Variants in TSNARE1 observed in about 807,000 individuals in gnomAD.
The protein encoded by TSNARE1 is t-SNARE domain-containing protein 1.
TSNARE1 carries 49 observed loss-of-function variants against 62.0 expected under a neutral mutation model. The observed-to-expected ratio is 0.79, with a 90% CI of 0.63 to 1.00. The LOEUF (loss-of-function observed/expected upper bound fraction) is 1.00, where lower values mean the gene tolerates loss of function less well. TSNARE1 is among the 50% of genes least tolerant of loss of function. TSNARE1 has a pLI of 0.00. For missense variants in TSNARE1, 755 were observed against 700.1 expected (o/e 1.08, Z -0.88); for synonymous variants, 328 against 294.4 (o/e 1.11, Z -1.17).
intron 11 of TSNARE1, chr8:142,276,661 C>T (rs1563807777): frequency 1.0e-6 from 1 of 985,310 alleles, no homozygotes; most frequent in Non-Finnish European, 1.2e-6. Flanking sequence ...AAGCCCTGGA[C>T]CCCACCCTTG....
At chr8:142,273,573 C>A (rs772577551) in intron 12 of TSNARE1, 30 of 985,296 alleles carry the variant, frequency 3.0e-5, no homozygotes, top group Non-Finnish European at 3.4e-5. Flanking sequence ...TGTCTCCCGG[C>A]CTGGCGTTCA....
intron 1 of TSNARE1, among the ~76,000 whole-genome samples, chr8:142,397,896 T>G (rs1436396733): frequency 6.6e-6 from 1 of 152,076 alleles, no homozygotes; most frequent in Non-Finnish European, 1.5e-5. Flanking sequence ...ACACAGGCCC[T>G]CGGTGTGGCA....
intron 10 of TSNARE1, among the ~76,000 whole-genome samples, chr8:142,285,823 G>T (rs559441730): frequency 1.3e-5 from 2 of 152,196 alleles, no homozygotes; most frequent in South Asian, 4.1e-4. Flanking sequence ...CTTTTTCCCA[G>T]TTAAGTGGCT....
intron 12 of TSNARE1, among the ~76,000 whole-genome samples, chr8:142,254,602 G>A (rs1393161903): frequency 6.6e-6 from 1 of 152,100 alleles, no homozygotes; most frequent in East Asian, 1.9e-4. Context: ...AGCACCCCCT[G>A]GCAGAACACG....
intron 12 of TSNARE1, among the ~76,000 whole-genome samples, chr8:142,261,100 G>T (rs1818860403): frequency 2.2e-5 from 1 of 44,548 alleles, no homozygotes; most frequent in Non-Finnish European, 4.6e-5. Context: ...GGAGGGAAGA[G>T]AGGGGGAGCA....
chr8:142,242,244 G>A (rs1188539478), intron 12 of TSNARE1, among the ~76,000 whole-genome samples: 1 of 152,282 alleles, frequency 6.6e-6, no homozygotes, highest in Non-Finnish European at 1.5e-5. Flanking sequence ...TCCATCTCAT[G>A]CCGTATACAA....
At chr8:142,218,478 T>G (rs1354137234) in intron 13 of TSNARE1, among the ~76,000 whole-genome samples, 2 of 152,158 alleles carry the variant, frequency 1.3e-5, no homozygotes, top group African/African-American at 4.8e-5. Context: ...ACAGTGCCCA[T>G]CCCTCAGCTC....
intron 12 of TSNARE1, among the ~76,000 whole-genome samples, chr8:142,240,203 T>C (rs2130179179): frequency 6.6e-6 from 1 of 152,356 alleles, no homozygotes; most frequent in African/African-American, 2.4e-5. Flanking sequence ...GATAGTCCTG[T>C]TAAGAGCAGA....
intron 13 of TSNARE1, among the ~76,000 whole-genome samples, chr8:142,227,049 G>C (rs1816831769): frequency 7.4e-6 from 1 of 135,114 alleles, no homozygotes; most frequent in Non-Finnish European, 1.5e-5. Context: ...AGCAGTGACA[G>C]CCAGGCCCCC....
At chr8:142,262,390 T>C (rs970023624) in intron 12 of TSNARE1, among the ~76,000 whole-genome samples, 1 of 152,176 alleles carries the variant, frequency 6.6e-6, no homozygotes, top group Admixed American at 6.5e-5. Flanking sequence ...TAAAGCTTTA[T>C]AATTTTCTCC....
At chr8:142,255,470 C>CCAT (rs1818394237) in intron 12 of TSNARE1, among the ~76,000 whole-genome samples, 2 of 62,732 alleles carry the variant, frequency 3.2e-5, no homozygotes, top group Admixed American at 1.6e-4. Context: ...ATCACCATCA[C>CCAT]CACCACCATC....
At chr8:142,391,737 A>G (rs1837546784) in intron 1 of TSNARE1, among the ~76,000 whole-genome samples, 2 of 152,228 alleles carry the variant, frequency 1.3e-5, no homozygotes, top group Non-Finnish European at 2.9e-5. Context: ...GCCCTGCCGC[A>G]GCAGCCGGCA....
chr8:142,336,140 C>T (rs974423801), intron 4 of TSNARE1, among the ~76,000 whole-genome samples: 3 of 151,976 alleles, frequency 2.0e-5, no homozygotes, highest in Non-Finnish European at 2.9e-5. Flanking sequence ...AATTGGCCAG[C>T]TGTGGTGATG....
intron 13 of TSNARE1, among the ~76,000 whole-genome samples, chr8:142,225,095 C>T (rs1330558879): frequency 1.3e-5 from 2 of 152,112 alleles, no homozygotes; most frequent in Non-Finnish European, 2.9e-5. Flanking sequence ...GCCCCAAGGC[C>T]CACTGTGCCC....
At chr8:142,343,050 G>C (rs949903140) in intron 4 of TSNARE1, among the ~76,000 whole-genome samples, 2 of 152,174 alleles carry the variant, frequency 1.3e-5, no homozygotes, top group African/African-American at 4.8e-5. Flanking sequence ...TCAGACACTG[G>C]GCCCACGCTG....
chr8:142,231,872 C>T (rs1817130503), intron 12 of TSNARE1, among the ~76,000 whole-genome samples: 1 of 152,230 alleles, frequency 6.6e-6, no homozygotes, highest in Admixed American at 6.5e-5. Flanking sequence ...CCCCATAAGC[C>T]CCGTGCACTT....
chr8:142,331,667 G>T, intron 5 of TSNARE1, 87 bp downstream of exon 5: 1 of 1,325,266 alleles, frequency 7.5e-7, no homozygotes, highest in Non-Finnish European at 1.1e-6. Context: ...GAGGGGGGAA[G>T]CCATCCAGCA....
chr8:142,354,621 C>T lies in TSNARE1; in HGVS notation c.88+16G>A. The stretch of plus-strand genomic sequence containing the variant: ...ATCCCCTCCTCCCCGCCCCCACTTC[C>T]AGCTACTATCATTACCTAGGGGCTG... On this transcript the variant is annotated intron_variant, in intron 2 of 13. Transcript: ENST00000524325. The T allele has an allele frequency of 6.3e-7, 1 of 1,599,996 alleles. No individual in the cohort carries two copies. The highest frequency in any genetic ancestry group is 8.6e-7 in the Non-Finnish European group (1 of 1,169,180).
intron 1 of TSNARE1, among the ~76,000 whole-genome samples, chr8:142,372,498 G>T (rs1835984178): frequency 6.6e-6 from 1 of 152,192 alleles, no homozygotes; most frequent in African/African-American, 2.4e-5. Context: ...GATGAGAAGA[G>T]AAACTGGGCC....
Sources: allele counts gnomAD v4.1 joint callset (sites outside exome capture counted in the v4.1 genomes callset), GRCh38; gene constraint gnomAD v4.1.1; transcripts MANE v1.5; gene names NCBI Gene and HGNC (gene_info 2026-07-23, HGNC 2026-07-21).